Variants in TRIQK observed in about 807,000 individuals in gnomAD.
The protein encoded by TRIQK is triple QxxK/R motif containing, also known as triple QxxK/R motif-containing protein.
TRIQK carries 10 observed loss-of-function variants against 10.8 expected under a neutral mutation model. The ratio of observed to expected loss-of-function variants is 0.92; its 90% CI spans 0.57 to 1.57. The LOEUF (loss-of-function observed/expected upper bound fraction) is 1.57, where lower values mean the gene tolerates loss of function less well. Ranked by LOEUF, TRIQK falls within the 40% of genes most tolerant of loss-of-function variation. The probability of loss-of-function intolerance (pLI) is 0.00; values close to 1 mark genes in which losing one functional copy is unlikely to be tolerated. For missense variants in TRIQK, 107 were observed against 97.7 expected (o/e 1.09, Z -0.40); for synonymous variants, 33 against 33.7 (o/e 0.98, Z 0.07).
intron 1 of TRIQK, among the ~76,000 whole-genome samples, chr8:92,976,339 C>T (rs919658200): frequency 3.3e-5 from 5 of 151,968 alleles, no homozygotes; most frequent in African/African-American, 9.7e-5. Flanking sequence ...TCATTATGTG[C>T]ATATGTTATA....
intron 4 of TRIQK, among the ~76,000 whole-genome samples, chr8:92,891,194 C>T (rs1816745816): frequency 6.6e-6 from 1 of 151,798 alleles, no homozygotes; most frequent in African/African-American, 2.4e-5. Flanking sequence ...GGTAGTAATA[C>T]CTTGGCATTT....
At chr8:92,944,959 T>C (rs1811450510) in intron 2 of TRIQK, among the ~76,000 whole-genome samples, 1 of 152,188 alleles carries the variant, frequency 6.6e-6, no homozygotes, top group Non-Finnish European at 1.5e-5. Context: ...AACATCTTAC[T>C]GTACCCTATA....
At chr8:93,011,205 C>CACGCATATAT (rs769949767) in intron 1 of TRIQK, among the ~76,000 whole-genome samples, 1 of 121,520 alleles carries the variant, frequency 8.2e-6, no homozygotes, top group African/African-American at 2.9e-5. Flanking sequence ...CACACACACA[C>CACGCATATAT]ATATATATAT....
intron 1 of TRIQK, among the ~76,000 whole-genome samples, chr8:93,010,639 G>A (rs560727320): frequency 1.1e-4 from 17 of 151,312 alleles, no homozygotes; most frequent in African/African-American, 3.2e-4. Context: ...TTCTAGTTTC[G>A]CATCCATTTA....
chr8:92,993,234 T>C (rs1205275033), intron 1 of TRIQK, among the ~76,000 whole-genome samples: 1 of 152,212 alleles, frequency 6.6e-6, no homozygotes, highest in Admixed American at 6.5e-5. Flanking sequence ...CTTTGTTTTC[T>C]TTCCCTTGTG....
intron 1 of TRIQK, among the ~76,000 whole-genome samples, chr8:93,011,202 A>G (rs1011507039): frequency 3.0e-5 from 3 of 100,558 alleles, no homozygotes; most frequent in African/African-American, 1.1e-4. Flanking sequence ...ACACACACAC[A>G]CACATATATA....
chr8:93,012,631 C>T (rs1813346476), intron 1 of TRIQK, among the ~76,000 whole-genome samples: 1 of 152,040 alleles, frequency 6.6e-6, no homozygotes, highest in South Asian at 2.1e-4. Context: ...CATAATTGCA[C>T]ATTGATACCA....
chr8:92,971,617 T>C (rs905830115), intron 1 of TRIQK, among the ~76,000 whole-genome samples: 4 of 152,158 alleles, frequency 2.6e-5, no homozygotes, highest in Admixed American at 2.6e-4. Flanking sequence ...CAAGGAGAAC[T>C]ACAAACCACT....
chr8:92,934,530 C>G (rs184119939), intron 2 of TRIQK, among the ~76,000 whole-genome samples: 2 of 151,804 alleles, frequency 1.3e-5, no homozygotes, highest in Non-Finnish European at 2.9e-5. Context: ...AATTTTGCTT[C>G]CAATGTAATA....
chr8:92,903,647 G>C (rs1809077657), intron 3 of TRIQK, among the ~76,000 whole-genome samples: 1 of 151,998 alleles, frequency 6.6e-6, no homozygotes, highest in Non-Finnish European at 1.5e-5. Flanking sequence ...GTTGTGATCA[G>C]TTTAATTGAA....
chr8:92,982,375 G>A lies in TRIQK; in HGVS notation c.-180-27811C>T, dbSNP rs191672508. ...ATAGAAATAAAGATTTATGTATTAC[G>A]TGTTTCTTATGGAATATTAAAATAT... On this transcript the variant is annotated intron_variant, in intron 1 of 4. Coordinates refer to the TRIQK transcript ENST00000520686. 9.3e-4 allele frequency among the ~76,000 whole-genome samples: 142 copies of A among 152,006 alleles called. 1 individual carries two copies. The highest frequency in any genetic ancestry group is 5.3e-4 in the Non-Finnish European group (36 of 67,868).
chr8:92,886,588 G>C lies in TRIQK; in HGVS notation c.*34C>G. On this transcript the variant is annotated 3_prime_UTR_variant, in exon 5 of 5. Transcript: ENST00000521988. ...TGGTCCCAAAAGGTGCTTTCGTAAA[G>C]TTATTTCTCTTTCATGCATTGATTG... 1.5e-6 allele frequency: 2 copies of C among 1,370,770 alleles called. No individual in the cohort carries two copies. Among genetic ancestry groups the C allele is most frequent in the Non-Finnish European group, 2.0e-6 (2 of 1,022,190 alleles). The allele number at this position is 1,370,770 out of a possible 1,614,324, so 84.9% of individuals were successfully genotyped here. A position where few individuals can be genotyped will look rare whatever the true frequency, so the allele number is the denominator to read the frequency against.
At chr8:93,002,456 G>C (rs1405278405) in intron 1 of TRIQK, among the ~76,000 whole-genome samples, 1 of 151,276 alleles carries the variant, frequency 6.6e-6, no homozygotes, top group Admixed American at 6.6e-5. Context: ...ATGAAGGATC[G>C]TAAGAGTCTA....
At chr8:92,949,950 A>G (rs1037395668) in intron 2 of TRIQK, among the ~76,000 whole-genome samples, 2 of 152,106 alleles carry the variant, frequency 1.3e-5, no homozygotes, top group African/African-American at 4.8e-5. Context: ...TTTGAGCTCC[A>G]TTTATTTAAG....
intron 1 of TRIQK, among the ~76,000 whole-genome samples, chr8:93,014,752 A>G (rs1436598694): frequency 6.6e-6 from 1 of 152,000 alleles, no homozygotes; most frequent in Non-Finnish European, 1.5e-5. Flanking sequence ...GAGGGGAAAA[A>G]ATCTGTATTT....
chr8:92,971,283 A>G (rs1258895672), intron 1 of TRIQK, among the ~76,000 whole-genome samples: 2 of 152,122 alleles, frequency 1.3e-5, no homozygotes, highest in African/African-American at 4.8e-5. Context: ...ATGGTATTGG[A>G]AGATATGGCC....
chr8:92,986,587 T>A (rs1813032527), intron 1 of TRIQK, among the ~76,000 whole-genome samples: 1 of 152,176 alleles, frequency 6.6e-6, no homozygotes, highest in Non-Finnish European at 1.5e-5. Context: ...ACTTTCTAGA[T>A]AATTCTGTAA....
chr8:92,947,263 C>T (rs866214988), intron 2 of TRIQK, among the ~76,000 whole-genome samples: 101 of 148,304 alleles, frequency 6.8e-4, no homozygotes, highest in Middle Eastern at 3.5e-3. Context: ...TATATATATA[C>T]ACTCAAGTTT....
intron 2 of TRIQK, among the ~76,000 whole-genome samples, chr8:92,936,375 A>G (rs1324395896): frequency 2.6e-5 from 4 of 151,686 alleles, no homozygotes; most frequent in Non-Finnish European, 3.0e-5. Flanking sequence ...GAAAATACTG[A>G]CAGACCTCAA....
Sources: allele counts gnomAD v4.1 joint callset (sites outside exome capture counted in the v4.1 genomes callset), GRCh38; gene constraint gnomAD v4.1.1; transcripts MANE v1.5; gene names NCBI Gene and HGNC (gene_info 2026-07-23, HGNC 2026-07-21).